Variants in COG6 observed in about 807,000 individuals in gnomAD.
COG6 encodes conserved oligomeric Golgi complex subunit 6.
In COG6, 74 loss-of-function variants were observed where a neutral mutation model predicts 88.8. The observed-to-expected ratio is 0.83, with a 90% CI of 0.69 to 1.01. The LOEUF is 1.01. COG6 is among the 50% of genes least tolerant of loss of function. The pLI is 0.00. For synonymous variants in COG6, 286 were observed against 278.7 expected (o/e 1.03, Z -0.26); for missense variants, 800 against 797.9 (o/e 1.00, Z -0.03).
chr13:39,700,019 A>G (rs1877489467), intron 13 of COG6, among the ~76,000 whole-genome samples: 1 of 151,846 alleles, frequency 6.6e-6, no homozygotes, highest in African/African-American at 2.4e-5. Flanking sequence ...GTCCTTATGA[A>G]ATGTATGCTC....
exon 19 of COG6, chr13:39,791,394 C>T (rs1881933471): frequency 6.6e-6 from 1 of 151,922 alleles, no homozygotes; most frequent in Non-Finnish European, 1.5e-5. Context: ...ATCGAATGAT[C>T]TAGGCATTGA....
Position 39,715,435 on chromosome 13 carries a change from T to G in COG6, c.1285-3801T>G, listed in dbSNP as rs531437859. 8.6e-5 allele frequency among the ~76,000 whole-genome samples: 13 copies of G among 152,028 alleles called. No homozygotes were observed. The South Asian group carries it at 2.7e-3, about 32-fold the overall frequency. On this transcript the variant is annotated intron_variant, in intron 13 of 18. Coordinates refer to ENST00000455146, the MANE Select transcript of COG6 (RefSeq NM_020751.3). ...AGCTTCCCTGGAGGATTTATTAGAT[T>G]TTTTTTTCTGTTTATGAAAGGTATT...
chr13:39,683,747 T>TTA (rs1876457225), intron 8 of COG6, among the ~76,000 whole-genome samples: 1 of 148,560 alleles, frequency 6.7e-6, no homozygotes, highest in Non-Finnish European at 1.5e-5. Flanking sequence ...TTTTATGTAT[T>TTA]AAAAAAAAAA....
chr13:39,695,506 T>C (rs1877226634), intron 12 of COG6, among the ~76,000 whole-genome samples: 1 of 151,918 alleles, frequency 6.6e-6, no homozygotes, highest in Non-Finnish European at 1.5e-5. Context: ...TTATTTGTTA[T>C]GCAGTATGCC....
chr13:39,678,189 C>A (rs1876091514), intron 5 of COG6: 1 of 354,858 alleles, frequency 2.8e-6, no homozygotes. Context: ...ATCTCAGCCT[C>A]CCAGGTAGCT....
chr13:39,676,408 A>G (rs1477133873), intron 4 of COG6, among the ~76,000 whole-genome samples: 2 of 152,296 alleles, frequency 1.3e-5, no homozygotes, highest in South Asian at 4.1e-4. Flanking sequence ...TAACTTTTAG[A>G]TATCAATAAT....
intron 18 of COG6, among the ~76,000 whole-genome samples, chr13:39,734,725 G>C (rs992704386): frequency 1.3e-5 from 2 of 152,052 alleles, no homozygotes; most frequent in Non-Finnish European, 2.9e-5. Flanking sequence ...TATTGTTTTG[G>C]AGTCTGTCTC....
intron 3 of COG6, among the ~76,000 whole-genome samples, chr13:39,661,142 A>G (rs1177709044): frequency 6.6e-6 from 1 of 152,184 alleles, no homozygotes; most frequent in Non-Finnish European, 1.5e-5. Context: ...TAAACCTTTC[A>G]ATTCCGTAAT....
downstream of COG6, among the ~76,000 whole-genome samples, chr13:39,756,012 A>G (rs1380139391): frequency 6.6e-6 from 1 of 152,254 alleles, no homozygotes; most frequent in Non-Finnish European, 1.5e-5. Flanking sequence ...CAGATAGCCC[A>G]GATATTGAAC....
intron 13 of COG6, among the ~76,000 whole-genome samples, chr13:39,716,103 A>G (rs1015673159): frequency 2.6e-5 from 4 of 152,042 alleles, no homozygotes; most frequent in African/African-American, 9.7e-5. Context: ...TGAAATATGT[A>G]TCTCTTCACC....
rs545514914 is a variant in COG6 at position 39,787,493 on chromosome 13, G to A, written c.1827-842G>A. Among the ~76,000 whole-genome samples the A allele has an allele frequency of 9.5e-4, 144 of 152,272 alleles. 1 individual carries two copies. The highest frequency in any genetic ancestry group is 3.5e-3 in the African/African-American group (144 of 41,546). On this transcript the variant is annotated intron_variant, in intron 18 of 18. Coordinates refer to the COG6 transcript ENST00000416691. ...ACAGATTAACTAATCTTGCCTGGCTGCATAGAGTTACTAAGAGGCATAGTG... is the reference window on the plus strand; with the variant it reads ...ACAGATTAACTAATCTTGCCTGGCTACATAGAGTTACTAAGAGGCATAGTG...
chr13:39,673,687 A>T (rs538279388), intron 4 of COG6, among the ~76,000 whole-genome samples: 77 of 152,020 alleles, frequency 5.1e-4, no homozygotes, highest in African/African-American at 1.7e-3. Flanking sequence ...TTTTGACATA[A>T]TGTTAATATA....
chr13:39,723,264 C>G, intron 15 of COG6, 69 bp from the exon 16 acceptor site: 2 of 925,484 alleles, frequency 2.2e-6, no homozygotes, highest in Non-Finnish European at 3.6e-6. Context: ...AGTGCCAATG[C>G]AAGGCACTGC....
chr13:39,770,486 T>G (rs1434828572), intron 18 of COG6, among the ~76,000 whole-genome samples: 1 of 152,206 alleles, frequency 6.6e-6, no homozygotes, highest in East Asian at 1.9e-4. Context: ...TGATTTGTCT[T>G]ATATGACAGA....
intron 18 of COG6, among the ~76,000 whole-genome samples, chr13:39,776,623 A>T (rs989229905): frequency 1.3e-5 from 2 of 152,258 alleles, no homozygotes; most frequent in Non-Finnish European, 2.9e-5. Flanking sequence ...TAAATATTTT[A>T]TGAATGAATC....
chr13:39,656,207 G>A, intron 1 of COG6: 1 of 523,930 alleles, frequency 1.9e-6, no homozygotes, highest in East Asian at 4.9e-5. Context: ...GGCTGTGTGA[G>A]CTGGGAGAGT....
At chr13:39,656,009 C>A in intron 1 of COG6, 130 bp downstream of exon 1, 1 of 1,179,860 alleles carries the variant, frequency 8.5e-7, no homozygotes, top group Non-Finnish European at 1.2e-6. Context: ...TGACCCCAGA[C>A]CTGCGGGCTC....
chr13:39,771,659 T>C (rs1220498225), intron 18 of COG6, among the ~76,000 whole-genome samples: 1 of 152,214 alleles, frequency 6.6e-6, no homozygotes, highest in African/African-American at 2.4e-5. Context: ...ATAATACAAA[T>C]ATATAGTCTA....
intron 11 of COG6, among the ~76,000 whole-genome samples, chr13:39,691,528 A>G (rs1291153266): frequency 6.6e-6 from 1 of 152,002 alleles, no homozygotes; most frequent in Non-Finnish European, 1.5e-5. Context: ...ATCTTTCCAT[A>G]TGATGATAAT....
Sources: allele counts gnomAD v4.1 joint callset (sites outside exome capture counted in the v4.1 genomes callset), GRCh38; gene constraint gnomAD v4.1.1; transcripts MANE v1.5; gene names NCBI Gene and HGNC (gene_info 2026-07-23, HGNC 2026-07-21).